HDX: variants seen among roughly 807,000 people sequenced by gnomAD.
The protein encoded by HDX is highly divergent homeobox, also known as chromosome X open reading frame 43.
A neutral mutation model predicts 45.2 loss-of-function variants in HDX; 19 were observed. The observed-to-expected ratio is 0.42, with a 90% confidence interval of 0.29 to 0.62. The LOEUF is 0.62. Ranked by LOEUF, HDX falls within the 20% of genes least tolerant of loss-of-function variation. HDX has a pLI of 0.20. For missense variants in HDX, 532 were observed against 493.9 expected, an observed-to-expected ratio of 1.08 and a Z score of -0.73; for synonymous variants, 188 against 172.8, an observed-to-expected ratio of 1.09 and a Z score of -0.69.
chrX:84,404,680 G>A (rs978507103), intron 5 of HDX, among the ~76,000 whole-genome samples: 1 of 111,064 alleles, frequency 9.0e-6, no homozygotes, highest in African/African-American at 3.3e-5. Context: ...AGAAAGCAGG[G>A]GGTGTCATAC....
chrX:84,492,027 A>G (rs2040902713), intron 1 of HDX, among the ~76,000 whole-genome samples: 1 of 110,979 alleles, frequency 9.0e-6, no homozygotes, highest in African/African-American at 3.3e-5. Flanking sequence ...TTCACTGTGC[A>G]ATGTTCTCTC....
chrX:84,447,743 T>G (rs1187057687), intron 4 of HDX, among the ~76,000 whole-genome samples: 1 of 111,768 alleles, frequency 8.9e-6, no homozygotes, highest in Non-Finnish European at 1.9e-5. Context: ...TGGGCAGTGA[T>G]GCTGACTGCT....
At chrX:84,406,469 TACACACACACACAC>T (rs369018765) in intron 5 of HDX, among the ~76,000 whole-genome samples, 1 of 86,536 alleles carries the variant, frequency 1.2e-5, no homozygotes, top group Non-Finnish European at 2.3e-5. Flanking sequence ...TAATCTCACA[TACACACACACACAC>T]ACACACACAC....
At chrX:84,410,867 T>C (rs778295966) in intron 5 of HDX, among the ~76,000 whole-genome samples, 3 of 111,290 alleles carry the variant, frequency 2.7e-5, no homozygotes, top group Non-Finnish European at 5.7e-5. Flanking sequence ...TTGTTTAGGG[T>C]TTCATTTTCT....
intron 4 of HDX, among the ~76,000 whole-genome samples, chrX:84,451,885 T>C (rs1249211252): frequency 9.0e-6 from 1 of 111,582 alleles, no homozygotes; most frequent in Non-Finnish European, 1.9e-5. Context: ...TACAAATCAA[T>C]TAACATGACA....
chrX:84,451,284 T>G (rs2039991257), intron 4 of HDX, among the ~76,000 whole-genome samples: 2 of 110,054 alleles, frequency 1.8e-5, no homozygotes, highest in South Asian at 7.6e-4. Context: ...CAAGCTAGAC[T>G]AACCAAGAGA....
chrX:84,430,401 T>C (rs1472763862), intron 5 of HDX, among the ~76,000 whole-genome samples: 1 of 111,427 alleles, frequency 9.0e-6, no homozygotes, highest in Non-Finnish European at 1.9e-5. Flanking sequence ...TACCACATTT[T>C]CTTTATCCAT....
intron 1 of HDX, among the ~76,000 whole-genome samples, chrX:84,490,602 C>T (rs187036428): frequency 5.4e-4 from 60 of 110,995 alleles, no homozygotes; most frequent in African/African-American, 1.7e-3. Flanking sequence ...TACTTTTCTT[C>T]GGTGTGATGA....
At chrX:84,399,248 A>ACC (rs750786298) in intron 5 of HDX, among the ~76,000 whole-genome samples, 17 of 102,243 alleles carry the variant, frequency 1.7e-4, no homozygotes, top group Middle Eastern at 5.0e-3. Context: ...AGAGACACAA[A>ACC]CCCCCCCCCA....
intron 4 of HDX, among the ~76,000 whole-genome samples, chrX:84,464,699 T>C (rs1222891032): frequency 8.9e-6 from 1 of 111,875 alleles, no homozygotes; most frequent in African/African-American, 3.3e-5. Flanking sequence ...GACTAAAACG[T>C]AAGACCTAAA....
At chrX:84,468,139 T>C (rs1346416469) in intron 4 of HDX, among the ~76,000 whole-genome samples, 1 of 111,295 alleles carries the variant, frequency 9.0e-6, no homozygotes, top group Non-Finnish European at 1.9e-5. Context: ...ATAATCTATG[T>C]TCAAGATCAT....
intron 5 of HDX, among the ~76,000 whole-genome samples, chrX:84,435,471 A>C (rs918955157): frequency 2.7e-5 from 3 of 110,603 alleles, no homozygotes; most frequent in African/African-American, 9.9e-5. Flanking sequence ...GCCCTTTGTC[A>C]GATGAGTAGG....
intron 7 of HDX, among the ~76,000 whole-genome samples, chrX:84,340,714 C>T (rs1379107698): frequency 9.0e-6 from 1 of 110,857 alleles, no homozygotes. Flanking sequence ...CCAAAAAGGG[C>T]TGTTTTCAGT....
intron 6 of HDX, among the ~76,000 whole-genome samples, chrX:84,359,177 AATTTT>A (rs903667175): frequency 9.0e-6 from 1 of 111,343 alleles, no homozygotes; most frequent in African/African-American, 3.3e-5. Flanking sequence ...TAATTTTTAA[AATTTT>A]ATTTTATTTT....
In HDX at chrX:84,399,576, C is replaced by T. The variant is rs770691688; in HGVS notation, c.1306-37964G>A. Among the ~76,000 whole-genome samples the T allele has an allele frequency of 2.2e-3, 248 of 110,919 alleles. 2 individuals carry two copies. Among genetic ancestry groups the T allele is most frequent in the African/African-American group, 7.9e-3 (240 of 30,532 alleles). On this transcript the variant is annotated intron_variant, in intron 5 of 10. Coordinates refer to ENST00000373177, the MANE Select transcript of HDX (RefSeq NM_001177479.2). ...TGAAAATAAGGCAGTAATTAATAGCCTACTAACTAAAAAAAAGCCCAAGAG... is the reference window on the plus strand; with the variant it reads ...TGAAAATAAGGCAGTAATTAATAGCTTACTAACTAAAAAAAAGCCCAAGAG...
At chrX:84,377,187 A>G (rs1446629397) in intron 5 of HDX, among the ~76,000 whole-genome samples, 1 of 112,413 alleles carries the variant, frequency 8.9e-6, no homozygotes, top group Admixed American at 9.4e-5. Flanking sequence ...TCACAGCGTT[A>G]TTGGTCTTGA....
intron 5 of HDX, among the ~76,000 whole-genome samples, chrX:84,419,003 C>T (rs748323952): frequency 8.9e-6 from 1 of 111,950 alleles, no homozygotes; most frequent in South Asian, 3.8e-4. Flanking sequence ...CAGGCCCTAG[C>T]TTCCAGATGA....
intron 4 of HDX, among the ~76,000 whole-genome samples, chrX:84,447,652 G>A (rs962514021): frequency 4.5e-5 from 5 of 110,771 alleles, no homozygotes; most frequent in Non-Finnish European, 7.6e-5. Flanking sequence ...AGTCCCTACC[G>A]GATTGCTTCC....
chrX:84,396,599 T>C lies in HDX; in HGVS notation c.1306-34987A>G, dbSNP rs375781304. Among the ~76,000 whole-genome samples the C allele has an allele frequency of 4.5e-5, 5 of 112,221 alleles. No individual in the cohort carries two copies. The East Asian group carries it at 1.1e-3, about 25-fold the overall frequency. On this transcript the variant is annotated intron_variant, in intron 5 of 10. Coordinates refer to ENST00000373177, the MANE Select transcript of HDX (RefSeq NM_001177479.2). ...CTCAGGCTATACAGCAGATGTGGCA[T>C]GGGCAATTGCAGTAGCATTGGTGGT...
Sources: gnomAD v4.1 joint callset for allele counts (sites outside exome capture counted in the v4.1 genomes callset) on GRCh38, gnomAD v4.1.1 for gene constraint, MANE v1.5 for transcripts, NCBI Gene and HGNC (gene_info 2026-07-23, HGNC 2026-07-21) for gene names.